The following CLCN5 variants were observed in gnomAD, a reference collection of about 807,000 sequenced individuals.
The protein encoded by CLCN5 is Cl-/H+ antiporter 5.
A neutral mutation model predicts 54.0 loss-of-function variants in CLCN5; 17 were observed. The observed-to-expected ratio is 0.31, with a 90% CI of 0.22 to 0.47. The LOEUF is 0.47. CLCN5 is among the 20% of genes least tolerant of loss of function. CLCN5 has a pLI of 1.00. For synonymous variants in CLCN5, 222 were observed against 233.0 expected (o/e 0.95, Z 0.43); for missense variants, 448 against 646.7 (o/e 0.69, Z 3.33).
intron 3 of CLCN5, among the ~76,000 whole-genome samples, chrX:49,951,449 A>G (rs1414911117): frequency 4.5e-5 from 5 of 112,159 alleles, no homozygotes; most frequent in Admixed American, 3.8e-4. Context: ...TCCCATACAC[A>G]TCTGTTGAAT....
Position 50,077,812 on chromosome X carries a change from CAAAAAAAAAAAAAAAAAAAAAAAA to C in CLCN5, c.603+1844_603+1867del, listed in dbSNP as rs35768604. Among the ~76,000 whole-genome samples the C allele has an allele frequency of 2.1e-3, 47 of 22,341 alleles. 1 individual carries two copies. The highest frequency in any genetic ancestry group is 6.0e-3 in the South Asian group (2 of 335). 19.4% of individuals were successfully genotyped at this position (22,341 alleles called of 115,157 possible). A position where few individuals can be genotyped will look rare whatever the true frequency, so the allele number is the denominator to read the frequency against. On this transcript the variant is annotated intron_variant, in intron 7 of 14. Transcript: ENST00000376091. The stretch of plus-strand genomic sequence containing the variant: ...CCAACATGGTGAAACCCTGTCTCTA[CAAAAAAAAAAAAAAAAAAAAAAAA>C]AAAAAAAAAAAAACATGTATATACA...
At chrX:49,961,164 A>G (rs1175968695) in intron 3 of CLCN5, among the ~76,000 whole-genome samples, 1 of 112,350 alleles carries the variant, frequency 8.9e-6, no homozygotes, top group East Asian at 2.8e-4. Flanking sequence ...CTTCTATTCC[A>G]GGGTGGTTCA....
chrX:49,971,023 A>C (rs1005025261), intron 3 of CLCN5, among the ~76,000 whole-genome samples: 8 of 109,752 alleles, frequency 7.3e-5, no homozygotes, highest in East Asian at 2.8e-4. Context: ...ACTTCTGTTA[A>C]ATTTATTGCT....
At chrX:49,993,158 C>T (rs782430181) in intron 3 of CLCN5, among the ~76,000 whole-genome samples, 1 of 111,511 alleles carries the variant, frequency 9.0e-6, no homozygotes, top group South Asian at 3.8e-4. Context: ...AAGGTTTCCT[C>T]CCCACACCCA....
chrX:50,018,130 T>A (rs1424257236), intron 3 of CLCN5, among the ~76,000 whole-genome samples: 1 of 112,125 alleles, frequency 8.9e-6, no homozygotes, highest in African/African-American at 3.2e-5. Flanking sequence ...TTTATTTAGA[T>A]CTTTGATTTG....
At chrX:49,979,000 C>G (rs1327318103) in intron 3 of CLCN5, among the ~76,000 whole-genome samples, 2 of 110,882 alleles carry the variant, frequency 1.8e-5, no homozygotes, top group Non-Finnish European at 3.8e-5. Flanking sequence ...ACAACCTCCA[C>G]AAAGGTGAGG....
chrX:50,058,094 C>G (rs1329772159), intron 4 of CLCN5, among the ~76,000 whole-genome samples: 1 of 111,650 alleles, frequency 9.0e-6, no homozygotes, highest in Non-Finnish European at 1.9e-5. Context: ...TGGTTCCAGC[C>G]TTGCAAAAAT....
intron 3 of CLCN5, chrX:50,003,522 C>T: frequency 2.6e-6 from 1 of 382,971 alleles, no homozygotes. Context: ...TCTCACATCC[C>T]TTGCATGGTG....
In CLCN5 at chrX:49,970,847, A is replaced by G. The variant is rs139625943; in HGVS notation, c.16+45533A>G. ...TTGAGAAACTGCCAAACTGCTTTCT[A>G]AAGCAGCTGCAGCATTTTACATTTC... On this transcript the variant is annotated intron_variant, in intron 3 of 14. Coordinates refer to ENST00000376091, the MANE Select transcript of CLCN5 (RefSeq NM_001127898.4). Among the ~76,000 whole-genome samples the G allele has an allele frequency of 7.3e-3, 812 of 111,627 alleles. 4 individuals are homozygous for G. The highest frequency in any genetic ancestry group is 0.037 in the Middle Eastern group (8 of 215).
At chrX:50,060,181 G>A (rs1031377420) in intron 4 of CLCN5, among the ~76,000 whole-genome samples, 29 of 109,062 alleles carry the variant, frequency 2.7e-4, no homozygotes, top group African/African-American at 8.3e-4. Flanking sequence ...GAACAGCTCC[G>A]GTCTACAGCT....
At chrX:50,070,433 A>G (rs1473618596) in intron 5 of CLCN5, among the ~76,000 whole-genome samples, 1 of 112,271 alleles carries the variant, frequency 8.9e-6, no homozygotes, top group Non-Finnish European at 1.9e-5. Context: ...GGAAGGTGGC[A>G]AAATAAATGT....
At chrX:49,941,920 C>CTTTTTTT (rs782574821) in intron 3 of CLCN5, among the ~76,000 whole-genome samples, 5 of 60,566 alleles carry the variant, frequency 8.3e-5, no homozygotes, top group African/African-American at 1.4e-4. Flanking sequence ...CAATCAGTAT[C>CTTTTTTT]TTTTTTTTTT....
At chrX:50,013,335 G>T (rs782614386) in intron 3 of CLCN5, 1 of 369,327 alleles carries the variant, frequency 2.7e-6, no homozygotes, top group Admixed American at 2.7e-5. Context: ...CCTTGTCATC[G>T]TGAATCTTCT....
intron 4 of CLCN5, among the ~76,000 whole-genome samples, chrX:50,053,105 G>A (rs1932643144): frequency 9.0e-6 from 1 of 111,557 alleles, no homozygotes; most frequent in Non-Finnish European, 1.9e-5. Context: ...CCAGGATGTG[G>A]TGTATCTTAC....
intron 3 of CLCN5, among the ~76,000 whole-genome samples, chrX:49,962,455 G>T (rs1333520369): frequency 9.0e-6 from 1 of 111,472 alleles, no homozygotes; most frequent in Admixed American, 9.5e-5. Context: ...AGCTGCAATT[G>T]CCCATAGCAG....
intron 3 of CLCN5, chrX:50,009,138 C>T (rs959899814): frequency 1.2e-4 from 33 of 270,743 alleles, no homozygotes; most frequent in Admixed American, 2.5e-4. Context: ...GGAGATACAA[C>T]GGTAAATAAG....
rs782630537 is a variant in CLCN5, at chrX:50,035,372, C to T, written c.17-6944C>T. ...ATAAATATGTTGATTACCTCTTAAC[C>T]CTTCCTCCCCAACTGGAATACTCCT... is the stretch of plus-strand genomic sequence containing the variant. On this transcript the variant is annotated intron_variant, in intron 3 of 14. Coordinates refer to ENST00000376091, the MANE Select transcript of CLCN5 (RefSeq NM_001127898.4). Among the ~76,000 whole-genome samples the T allele has an allele frequency of 6.3e-5, 7 of 111,354 alleles. No homozygotes were observed. The South Asian group carries it at 2.3e-3, about 36-fold the overall frequency.
At chrX:49,924,427 A>G (rs922537131) in intron 2 of CLCN5, among the ~76,000 whole-genome samples, 18 of 112,103 alleles carry the variant, frequency 1.6e-4, no homozygotes, top group African/African-American at 5.5e-4. Flanking sequence ...CGGCCTCCCA[A>G]AGTGCTGGGA....
intron 5 of CLCN5, among the ~76,000 whole-genome samples, chrX:50,070,326 T>C (rs1933179408): frequency 8.9e-6 from 1 of 112,147 alleles, no homozygotes; most frequent in Admixed American, 9.5e-5. Context: ...AAAAATTGTA[T>C]TTAGTGATTT....
Sources: allele counts gnomAD v4.1 joint callset (sites outside exome capture counted in the v4.1 genomes callset), GRCh38; gene constraint gnomAD v4.1.1; transcripts MANE v1.5; gene names NCBI Gene and HGNC (gene_info 2026-07-23, HGNC 2026-07-21).